ATXN7: variants seen among roughly 807,000 people sequenced by gnomAD.
ATXN7 encodes ataxin 7.
In ATXN7, 12 loss-of-function variants were observed where a neutral mutation model predicts 70.5. The observed-to-expected ratio is 0.17, with a 90% confidence interval of 0.11 to 0.28. The LOEUF (loss-of-function observed/expected upper bound fraction) is 0.28, where lower values mean the gene tolerates loss of function less well. ATXN7 is among the 10% of genes least tolerant of loss of function. The pLI, the probability that ATXN7 is intolerant of heterozygous loss-of-function variation, is 1.00. For missense variants in ATXN7, 1,256 were observed against 1,131.7 expected (o/e 1.11, Z -1.58); for synonymous variants, 498 against 448.7 (o/e 1.11, Z -1.39).
rs1704549955 is a variant in ATXN7, at chr3:63,922,503, C to G, written c.394+9278C>G. 1.3e-5 allele frequency among the ~76,000 whole-genome samples: 2 copies of G among 152,182 alleles called. 1 individual carries two copies. The highest frequency in any genetic ancestry group is 4.1e-4 in the South Asian group (2 of 4,830). On this transcript the variant is annotated intron_variant, in intron 4 of 12. Transcript: ENST00000674280. ...GTTGTACTTGCTCATCTTCTGGAAG[C>G]CTGTAGTTTGTGCTTCTTTATGCTG...
intron 12 of ATXN7, chr3:63,997,929 A>G: frequency 1.0e-6 from 1 of 985,372 alleles, no homozygotes; most frequent in Non-Finnish European, 1.2e-6. Context: ...TGGCATTCTG[A>G]TCATGGGATT....
chr3:63,967,992 A>T, intron 5 of ATXN7: 1 of 1,529,234 alleles, frequency 6.5e-7, no homozygotes, highest in Non-Finnish European at 8.8e-7. Context: ...TTTCTGAGGC[A>T]GTTTTCAGAG....
In ATXN7 at chr3:63,864,136, C is replaced by A. The variant is rs1346532724; in HGVS notation, c.-133C>A. On this transcript the variant is annotated 5_prime_UTR_variant, in exon 1 of 13. Coordinates refer to ENST00000674280, the MANE Select transcript of ATXN7 (RefSeq NM_001377405.1). ...CCCGGCCCACGCCCAGAGGCCGCCC[C>A]GGAGGCCGCAGCCAGCCGCCAGGTG... 6.7e-6 allele frequency among the ~76,000 whole-genome samples: 1 copy of A among 149,146 alleles called. No homozygotes were observed. Among genetic ancestry groups the A allele is most frequent in the African/African-American group, 2.4e-5 (1 of 41,030 alleles).
intron 5 of ATXN7, among the ~76,000 whole-genome samples, chr3:63,954,712 T>G (rs199986658): frequency 0.14 from 11,605 of 81,770 alleles, 83 homozygotes; most frequent in East Asian, 0.21. Flanking sequence ...TTTTTTTTTG[T>G]TTTTTTTTTT....
chr3:63,974,746 T>A (rs891785208), intron 5 of ATXN7, among the ~76,000 whole-genome samples: 5 of 152,214 alleles, frequency 3.3e-5, no homozygotes, highest in African/African-American at 1.2e-4. Flanking sequence ...TTGTTGTTCT[T>A]GAAGGTGAGA....
intron 2 of ATXN7, among the ~76,000 whole-genome samples, chr3:63,899,597 C>T (rs889305321): frequency 1.3e-5 from 2 of 151,930 alleles, no homozygotes; most frequent in Non-Finnish European, 2.9e-5. Context: ...CATAGCTACA[C>T]CCCCAACTCT....
chr3:63,940,327 A>C (rs1218946271), intron 4 of ATXN7, among the ~76,000 whole-genome samples: 2 of 141,980 alleles, frequency 1.4e-5, no homozygotes, highest in Non-Finnish European at 3.1e-5. Flanking sequence ...ACACACACAC[A>C]GCCCCTCAGC....
chr3:63,973,746 G>A (rs1048606988), intron 5 of ATXN7, among the ~76,000 whole-genome samples: 38 of 151,938 alleles, frequency 2.5e-4, no homozygotes, highest in African/African-American at 8.9e-4. Context: ...CAATGAAAAC[G>A]GCTTTCAAGC....
chr3:63,905,899 G>T (rs1278735788), intron 2 of ATXN7: 1 of 152,212 alleles, frequency 6.6e-6, no homozygotes, highest in Non-Finnish European at 1.5e-5. Flanking sequence ...TTGAGCCATA[G>T]ATGATGTCAT....
intron 1 of ATXN7, among the ~76,000 whole-genome samples, chr3:63,865,688 G>A (rs1702395563): frequency 1.3e-5 from 2 of 151,554 alleles, no homozygotes; most frequent in Non-Finnish European, 2.9e-5. Context: ...TCAAGAGATC[G>A]AGACCATCCC....
At chr3:63,940,285 T>TCACACACACACA (rs34660611) in intron 4 of ATXN7, among the ~76,000 whole-genome samples, 44 of 141,442 alleles carry the variant, frequency 3.1e-4, no homozygotes, top group African/African-American at 1.0e-3. Context: ...CCATGCCCCA[T>TCACACACACACA]CACACACACA....
rs564560086 is a variant in ATXN7 at position 63,990,908 on chromosome 3, C to G, written c.1682+49C>G. The G allele has an allele frequency of 6.8e-6, 11 of 1,609,758 alleles. No individual in the cohort carries two copies. The Admixed American group carries it at 1.8e-4, about 27-fold the overall frequency. On this transcript the variant is annotated intron_variant, in intron 11 of 12. Coordinates refer to ENST00000674280, the MANE Select transcript of ATXN7 (RefSeq NM_001377405.1). ...GAGGAGCTGACTTTACACAGTGCTG[C>G]ATTGTCTTTTATTTCCTGTGAGACT...
At chr3:63,956,267 TAA>T (rs982398857) in intron 5 of ATXN7, among the ~76,000 whole-genome samples, 1 of 151,734 alleles carries the variant, frequency 6.6e-6, no homozygotes, top group African/African-American at 2.4e-5. Flanking sequence ...CCGTCTGTAC[TAA>T]AAATACAAAA....
chr3:63,893,242 C>G (rs1703340782), intron 1 of ATXN7, among the ~76,000 whole-genome samples: 1 of 152,172 alleles, frequency 6.6e-6, no homozygotes, highest in Admixed American at 6.5e-5. Context: ...AATTGACTTT[C>G]AAATCTACTG....
chr3:63,904,981 AT>A (rs1261264806), intron 2 of ATXN7: 10 of 152,146 alleles, frequency 6.6e-5, no homozygotes, highest in African/African-American at 2.4e-4. Flanking sequence ...CATTTCCCTA[AT>A]GACTAATGAT....
intron 1 of ATXN7, chr3:63,878,418 C>T (rs1702807100): frequency 1.3e-5 from 2 of 152,240 alleles, no homozygotes; most frequent in South Asian, 4.1e-4. Context: ...CAGTATTCTC[C>T]TGCACTGACC....
At position 63,953,883 on chromosome 3, in the gene ATXN7, A is replaced by G. The variant is rs1043956412; in HGVS notation, c.499+1400A>G. Among the ~76,000 whole-genome samples, 5 of 151,910 alleles carry G rather than the reference A, an allele frequency of 3.3e-5. 1 individual carries two copies. The highest frequency in any genetic ancestry group is 9.7e-5 in the African/African-American group (4 of 41,368). On this transcript the variant is annotated intron_variant, in intron 5 of 12. Coordinates refer to ENST00000674280, the MANE Select transcript of ATXN7 (RefSeq NM_001377405.1). Reference sequence around the variant, plus strand: ...GGCTGGTCTCGAACTCCTGACCTCAAGTGATCCGCCCACCTCTGCCTCCCA... The same window carrying G: ...GGCTGGTCTCGAACTCCTGACCTCAGGTGATCCGCCCACCTCTGCCTCCCA...
chr3:63,905,745 A>G (rs1703816912), intron 2 of ATXN7: 1 of 152,222 alleles, frequency 6.6e-6, no homozygotes, highest in Non-Finnish European at 1.5e-5. Flanking sequence ...AAGTTCCTTC[A>G]CTTAGAACAC....
Position 63,999,663 on chromosome 3 carries a change from T to C in ATXN7, c.*196T>C. On this transcript the variant is annotated 3_prime_UTR_variant, in exon 13 of 13. Transcript: ENST00000674280. ...CTATGTCTCTAGCAGTGAGTACTCA[T>C]AAAGGACACTGGATCAAGTTCAGCC... 1 of 941,340 alleles carries C rather than the reference T, an allele frequency of 1.1e-6. No homozygotes were observed. The highest frequency in any genetic ancestry group is 1.7e-6 in the Non-Finnish European group (1 of 599,392). The allele number at this position is 941,340 out of a possible 1,614,324, so 58.3% of individuals were successfully genotyped here.
Sources: gnomAD v4.1 joint callset for allele counts (sites outside exome capture counted in the v4.1 genomes callset) on GRCh38, gnomAD v4.1.1 for gene constraint, MANE v1.5 for transcripts, NCBI Gene and HGNC (gene_info 2026-07-23, HGNC 2026-07-21) for gene names.